RGS6: variants seen among roughly 807,000 people sequenced by gnomAD.
RGS6 encodes the protein regulator of G protein signaling 6, also known as regulator of G-protein signaling 6.
RGS6 carries 30 observed loss-of-function variants against 78.5 expected under a neutral mutation model. That is an observed-to-expected ratio of 0.38 (90% CI 0.29 to 0.52). RGS6 has a LOEUF of 0.52. Ranked by LOEUF, RGS6 falls within the 20% of genes least tolerant of loss-of-function variation. RGS6 has a pLI of 0.85. For synonymous variants in RGS6, 206 were observed against 206.0 expected (o/e 1.00, Z 0.00); for missense variants, 495 against 609.7 (o/e 0.81, Z 1.98).
intron 2 of RGS6, among the ~76,000 whole-genome samples, chr14:72,136,023 A>C (rs2096433239): frequency 6.6e-6 from 1 of 152,096 alleles, no homozygotes; most frequent in South Asian, 2.1e-4. Flanking sequence ...AATGCAAGGA[A>C]ATTTGTTGCA....
chr14:72,283,468 A>G (rs759823786), intron 2 of RGS6, among the ~76,000 whole-genome samples: 8 of 152,170 alleles, frequency 5.3e-5, no homozygotes, highest in Non-Finnish European at 1.2e-4. Flanking sequence ...GTTTCCCCAT[A>G]CTGTTCTCAT....
At chr14:72,445,059 A>C (rs558920793) in intron 3 of RGS6, among the ~76,000 whole-genome samples, 84 of 152,312 alleles carry the variant, frequency 5.5e-4, no homozygotes, top group African/African-American at 1.9e-3. Flanking sequence ...AGAGCTGAAG[A>C]CTTTACCTTT....
the RGS6 span, among the ~76,000 whole-genome samples, chr14:72,626,174 T>A: frequency 6.6e-6 from 1 of 152,178 alleles, no homozygotes; most frequent in African/African-American, 2.4e-5. Context: ...TTTATCTATT[T>A]GGGAGGTATG....
At chr14:72,027,282 A>C (rs1002660368) in intron 2 of RGS6, among the ~76,000 whole-genome samples, 2 of 152,144 alleles carry the variant, frequency 1.3e-5, no homozygotes, top group African/African-American at 2.4e-5. Flanking sequence ...ACATATGTGC[A>C]TATTGAAAGA....
intron 2 of RGS6, among the ~76,000 whole-genome samples, chr14:72,220,607 T>C (rs2046647808): frequency 6.6e-6 from 1 of 152,188 alleles, no homozygotes; most frequent in Non-Finnish European, 1.5e-5. Flanking sequence ...TGCTTCCGTA[T>C]AGTATTTTAA....
intron 3 of RGS6, among the ~76,000 whole-genome samples, chr14:72,442,281 T>C (rs2095233175): frequency 6.6e-6 from 1 of 152,088 alleles, no homozygotes; most frequent in South Asian, 2.1e-4. Context: ...ATATAAATGT[T>C]AGATGTCATG....
chr14:72,456,429 A>G (rs1044258597), intron 4 of RGS6, among the ~76,000 whole-genome samples: 2 of 152,230 alleles, frequency 1.3e-5, no homozygotes, highest in Admixed American at 1.3e-4. Flanking sequence ...AGCTGGGACT[A>G]TAGGCTCCTA....
At chr14:72,504,702 TTCCTCTCCCC>T (rs1198285222) in intron 13 of RGS6, among the ~76,000 whole-genome samples, 6 of 149,270 alleles carry the variant, frequency 4.0e-5, no homozygotes, top group Non-Finnish European at 5.9e-5. Flanking sequence ...GCAGTTTAGG[TTCCTCTCCCC>T]TCCTCTCCCC....
the RGS6 span, among the ~76,000 whole-genome samples, chr14:71,891,511 G>T: frequency 6.6e-6 from 1 of 152,268 alleles, no homozygotes; most frequent in African/African-American, 2.4e-5. Context: ...CATGGCAACT[G>T]GCTTCTCTGA....
chr14:72,105,250 A>G (rs2095610200), intron 2 of RGS6, among the ~76,000 whole-genome samples: 1 of 152,214 alleles, frequency 6.6e-6, no homozygotes, highest in Non-Finnish European at 1.5e-5. Flanking sequence ...TTTTGCCTCT[A>G]ATAAATCAAA....
intron 13 of RGS6, among the ~76,000 whole-genome samples, chr14:72,506,123 T>C (rs2096795438): frequency 6.6e-6 from 1 of 152,180 alleles, no homozygotes; most frequent in Admixed American, 6.5e-5. Flanking sequence ...CACATCACTA[T>C]ACACATTTCT....
chr14:71,992,171 T>C (rs986408710), intron 2 of RGS6, among the ~76,000 whole-genome samples: 1 of 152,066 alleles, frequency 6.6e-6, no homozygotes, highest in Non-Finnish European at 1.5e-5. Context: ...GCTGGGACTA[T>C]AGGCCTGCGC....
At chr14:72,159,823 A>G (rs1199706953) in intron 2 of RGS6, among the ~76,000 whole-genome samples, 10 of 152,088 alleles carry the variant, frequency 6.6e-5, no homozygotes. Flanking sequence ...ATGGGGAGAA[A>G]TCTCTATTCT....
At chr14:71,934,414 C>T (rs2088618190) in intron 1 of RGS6, among the ~76,000 whole-genome samples, 1 of 152,080 alleles carries the variant, frequency 6.6e-6, no homozygotes, top group Non-Finnish European at 1.5e-5. Context: ...ACCAGTGTTT[C>T]CTTTTATATA....
At chr14:72,605,627 G>A in the RGS6 span, among the ~76,000 whole-genome samples, 3 of 152,296 alleles carry the variant, frequency 2.0e-5, no homozygotes, top group Non-Finnish European at 4.4e-5. Context: ...GGACAGGTAG[G>A]GTAGTGTGTG....
chr14:72,525,626 G>A (rs1431294744), intron 15 of RGS6, among the ~76,000 whole-genome samples: 2 of 152,208 alleles, frequency 1.3e-5, no homozygotes, highest in Non-Finnish European at 2.9e-5. Context: ...AAAAGCCAAA[G>A]CCCAGTAGAG....
chr14:72,408,632 A>G (rs2093148977), intron 3 of RGS6, among the ~76,000 whole-genome samples: 1 of 152,210 alleles, frequency 6.6e-6, no homozygotes, highest in Admixed American at 6.5e-5. Flanking sequence ...TTATAGACCA[A>G]GAGTTTAGTT....
intron 3 of RGS6, among the ~76,000 whole-genome samples, chr14:72,359,515 G>T (rs2081051488): frequency 1.3e-5 from 2 of 152,116 alleles, no homozygotes; most frequent in Admixed American, 1.3e-4. Context: ...GATTTTAAGG[G>T]AGTGTCTGTG....
At chr14:72,496,104 C>T (rs748177074) in intron 13 of RGS6, among the ~76,000 whole-genome samples, 6 of 152,170 alleles carry the variant, frequency 3.9e-5, no homozygotes, top group Non-Finnish European at 5.9e-5. Context: ...TAATAAAAGT[C>T]GCAGATGCTC....
Sources: gnomAD v4.1 joint callset for allele counts (sites outside exome capture counted in the v4.1 genomes callset) on GRCh38, gnomAD v4.1.1 for gene constraint, MANE v1.5 for transcripts, NCBI Gene and HGNC (gene_info 2026-07-23, HGNC 2026-07-21) for gene names.